BCAS3: variants seen among roughly 807,000 people sequenced by gnomAD.
BCAS3 encodes the protein BCAS4/BCAS3 fusion.
A neutral mutation model predicts 116.1 loss-of-function variants in BCAS3; 53 were observed. The observed-to-expected ratio is 0.46, with a 90% confidence interval of 0.37 to 0.57. The LOEUF is 0.57. Among genes scored for constraint, BCAS3 ranks in the 20% least tolerant of loss-of-function variants. BCAS3 has a pLI of 0.00. For synonymous variants in BCAS3, 391 were observed against 408.2 expected (o/e 0.96, Z 0.51); for missense variants, 917 against 1,165.4 (o/e 0.79, Z 3.10).
At chr17:60,843,822 T>C (rs1462089077) in intron 7 of BCAS3, among the ~76,000 whole-genome samples, 3 of 152,226 alleles carry the variant, frequency 2.0e-5, no homozygotes, top group Non-Finnish European at 2.9e-5. Context: ...ATATTACTTA[T>C]TAATCTCTAA....
chr17:60,987,778 G>C (rs1201871145), intron 14 of BCAS3, among the ~76,000 whole-genome samples: 2 of 151,968 alleles, frequency 1.3e-5, no homozygotes, highest in South Asian at 4.1e-4. Context: ...ATCTGCAAAC[G>C]AGGCTCATTT....
rs1017197080 is a variant in BCAS3, at chr17:61,249,986, A to G, written c.2426-118341A>G. 6.6e-6 allele frequency among the ~76,000 whole-genome samples: 1 copy of G among 152,186 alleles called. No individual in the cohort carries two copies. The highest frequency in any genetic ancestry group is 6.5e-5 in the Admixed American group (1 of 15,280). On this transcript the variant is annotated intron_variant, in intron 22 of 23. Transcript: ENST00000407086. This position sits in a 1 kb window ranked among gnomAD's most constrained non-coding sequence, Gnocchi z 6.2. ...AGGCAGGCTTAAAGAGGATCAGAAA[A>G]CAAGATACCAAATAAGAGCAGCCAT...
At chr17:60,717,361 A>G (rs2038743026) in intron 5 of BCAS3, among the ~76,000 whole-genome samples, 1 of 151,646 alleles carries the variant, frequency 6.6e-6, no homozygotes, top group African/African-American at 2.4e-5. Flanking sequence ...GACTACAGGG[A>G]TGCGCCACCA....
chr17:60,705,615 C>G (rs2037024477), intron 4 of BCAS3, among the ~76,000 whole-genome samples: 1 of 151,632 alleles, frequency 6.6e-6, no homozygotes, highest in Admixed American at 6.6e-5. Context: ...TGGAGAAATT[C>G]AAGAACTAAG....
intron 6 of BCAS3, among the ~76,000 whole-genome samples, chr17:60,764,303 G>T (rs535605277): frequency 6.6e-6 from 1 of 152,120 alleles, no homozygotes; most frequent in East Asian, 1.9e-4. Context: ...GTCAGTTTTA[G>T]ATCTTTCCTC....
At chr17:60,965,288 C>T (rs1248785225) in intron 14 of BCAS3, among the ~76,000 whole-genome samples, 1 of 141,508 alleles carries the variant, frequency 7.1e-6, no homozygotes, top group East Asian at 2.1e-4. Context: ...GTGGCGCAAT[C>T]TTGGCTCACT....
chr17:60,830,683 G>A (rs2050837010), intron 7 of BCAS3, among the ~76,000 whole-genome samples: 1 of 151,890 alleles, frequency 6.6e-6, no homozygotes. Context: ...TACACAAAAG[G>A]AGTTTAAATT....
intron 14 of BCAS3, among the ~76,000 whole-genome samples, chr17:60,975,975 T>G (rs2062320147): frequency 6.6e-6 from 1 of 151,902 alleles, no homozygotes. Flanking sequence ...GTTTCCACAT[T>G]TGGGCTTAGG....
In BCAS3 at chr17:61,349,716, G is replaced by A. The variant is rs1329792957; in HGVS notation, c.2426-18611G>A. On this transcript the variant is annotated intron_variant, in intron 22 of 23. Coordinates refer to ENST00000407086, the MANE Select transcript of BCAS3 (RefSeq NM_017679.5). This position sits in a 1 kb window ranked among gnomAD's most constrained non-coding sequence, Gnocchi z 4.7. ...AAGACGTTTTTGGGCAATTGCCATG[G>A]AAAGAGCTAACTCTACTTTTTTATA... Among the ~76,000 whole-genome samples, 1 of 152,230 alleles carries A rather than the reference G, an allele frequency of 6.6e-6. No individual in the cohort carries two copies. Among genetic ancestry groups the A allele is most frequent in the Non-Finnish European group, 1.5e-5 (1 of 68,054 alleles).
intron 14 of BCAS3, among the ~76,000 whole-genome samples, chr17:60,948,564 C>G (rs1316011398): frequency 6.6e-6 from 1 of 152,114 alleles, no homozygotes; most frequent in Non-Finnish European, 1.5e-5. Context: ...TACAAGATAG[C>G]CATTTGACCC....
At chr17:60,773,058 G>A (rs908495625) in intron 6 of BCAS3, among the ~76,000 whole-genome samples, 1 of 152,128 alleles carries the variant, frequency 6.6e-6, no homozygotes, top group African/African-American at 2.4e-5. Context: ...CAAAGTGGCT[G>A]TATTGTTTAG....
At chr17:60,880,433 C>T (rs1022661456) in intron 9 of BCAS3, among the ~76,000 whole-genome samples, 2 of 152,100 alleles carry the variant, frequency 1.3e-5, no homozygotes, top group South Asian at 2.1e-4. Context: ...GGATTACAGG[C>T]GCATGCCACC....
rs2053930003 is a variant in BCAS3, at chr17:61,307,319, G to A, written c.2426-61008G>A. 6.6e-6 allele frequency among the ~76,000 whole-genome samples: 1 copy of A among 152,062 alleles called. No individual in the cohort carries two copies. The highest frequency in any genetic ancestry group is 1.5e-5 in the Non-Finnish European group (1 of 68,004). ...AGTTTTAATTTACTTTTTGGGGAAC[G>A]AAAAAAACTACCTGTAATTTTTCCT... On this transcript the variant is annotated intron_variant, in intron 22 of 23. Transcript: ENST00000407086. The surrounding 1 kb of genome is among the most constrained non-coding windows in gnomAD (Gnocchi z 4.7).
chr17:60,710,364 C>T (rs1057162547), intron 5 of BCAS3, among the ~76,000 whole-genome samples: 2 of 151,790 alleles, frequency 1.3e-5, no homozygotes, highest in Non-Finnish European at 2.9e-5. Flanking sequence ...TTCTCAAGTA[C>T]AGAATTTGAC....
intron 10 of BCAS3, among the ~76,000 whole-genome samples, chr17:60,890,817 GATTAATATGA>G (rs2057092621): frequency 6.6e-6 from 1 of 152,134 alleles, no homozygotes; most frequent in Non-Finnish European, 1.5e-5. Context: ...TGTATCTTGA[GATTAATATGA>G]ATTAATATGA....
intron 5 of BCAS3, among the ~76,000 whole-genome samples, chr17:60,734,711 C>T (rs1239859222): frequency 1.3e-5 from 2 of 152,204 alleles, no homozygotes; most frequent in Non-Finnish European, 2.9e-5. Context: ...CAATACTACA[C>T]TGTTTTGGTT....
chr17:61,038,568 A>G (rs2067231099), intron 18 of BCAS3, among the ~76,000 whole-genome samples: 1 of 151,644 alleles, frequency 6.6e-6, no homozygotes, highest in Non-Finnish European at 1.5e-5. Flanking sequence ...CTAGAATTTT[A>G]TATAAATGGA....
rs1415166453 is a variant in BCAS3 at position 61,196,578 on chromosome 17, G to GGTTA, written c.2425+112016_2425+112019dup. Among the ~76,000 whole-genome samples, 2 of 152,234 alleles carry GGTTA rather than the reference G, an allele frequency of 1.3e-5. No individual in the cohort carries two copies. Among genetic ancestry groups the GGTTA allele is most frequent in the African/African-American group, 2.4e-5 (1 of 41,458 alleles). On this transcript the variant is annotated intron_variant, in intron 22 of 23. Coordinates refer to ENST00000407086, the MANE Select transcript of BCAS3 (RefSeq NM_017679.5). This position sits in a 1 kb window ranked among gnomAD's most constrained non-coding sequence, Gnocchi z 4.7. ...TGGTTAGTCCCCTTCCAGATGGGGA[G>GGTTA]GTTAGACTGGGGCTAGCCAGACTGC... is the stretch of plus-strand genomic sequence containing the variant.
At chr17:60,932,628 G>T (rs1284705346) in intron 13 of BCAS3, among the ~76,000 whole-genome samples, 1 of 151,288 alleles carries the variant, frequency 6.6e-6, no homozygotes, top group Non-Finnish European at 1.5e-5. Flanking sequence ...TGTAGTCTCA[G>T]CTGCTTGGGA....
Sources: gnomAD v4.1 joint callset for allele counts (sites outside exome capture counted in the v4.1 genomes callset) on GRCh38, gnomAD v4.1.1 for gene constraint, Gnocchi (gnomAD v3.1) non-coding constraint, MANE v1.5 for transcripts, NCBI Gene and HGNC (gene_info 2026-07-23, HGNC 2026-07-21) for gene names.